The following TRAF2 variants were observed in gnomAD, a reference collection of about 807,000 sequenced individuals.
The protein encoded by TRAF2 is TNF receptor associated factor 2.
Under a neutral mutation model 55.6 loss-of-function variants are expected in TRAF2, and 6 were observed. The observed-to-expected ratio is 0.11, with a 90% confidence interval of 0.06 to 0.21. TRAF2 has a LOEUF of 0.21. Among genes scored for constraint, TRAF2 ranks in the 10% least tolerant of loss-of-function variants. The pLI, the probability that TRAF2 is intolerant of heterozygous loss-of-function variation, is 1.00. For synonymous variants in TRAF2, 329 were observed against 276.3 expected (o/e 1.19, Z -1.89); for missense variants, 561 against 684.5 (o/e 0.82, Z 2.01).
upstream of TRAF2, chr9:136,882,023 G>A (rs1316768423): frequency 9.1e-6 from 9 of 985,030 alleles, no homozygotes; most frequent in East Asian, 3.4e-4. Flanking sequence ...AGTGGACTGC[G>A]GCTATTTGAG....
rs142752969 is a variant in TRAF2, at chr9:136,891,551, G to A, written c.-29+5010G>A. The stretch of plus-strand genomic sequence containing the variant: ...GAGCCACCATGCCTGGCCCATTTTT[G>A]TGGTTCTTTTATGTCTGACAGGCAT... On this transcript the variant is annotated intron_variant, in intron 1 of 10. Transcript: ENST00000247668. 5.3e-5 allele frequency among the ~76,000 whole-genome samples: 8 copies of A among 151,504 alleles called. No homozygotes were observed. The East Asian group carries it at 1.6e-3, about 30-fold the overall frequency.
At chr9:136,902,277 G>A (rs1849839405) in intron 4 of TRAF2, 1 of 152,432 alleles carries the variant, frequency 6.6e-6, no homozygotes, top group Admixed American at 6.5e-5. Context: ...TGGCTCCCTG[G>A]GGAGGTGGCC....
At chr9:136,924,892 C>T (rs571385842) in intron 10 of TRAF2, among the ~76,000 whole-genome samples, 12 of 152,190 alleles carry the variant, frequency 7.9e-5, no homozygotes, top group African/African-American at 2.6e-4. Context: ...GCATGCACCA[C>T]CACGCCCAGC....
intron 9 of TRAF2, among the ~76,000 whole-genome samples, chr9:136,923,230 A>AG (rs1398964354): frequency 6.6e-6 from 1 of 152,158 alleles, no homozygotes. Context: ...GGCTCTGCCG[A>AG]GGTCCCAACC....
chr9:136,905,528 T>C (rs190942586), intron 4 of TRAF2, among the ~76,000 whole-genome samples: 1 of 152,276 alleles, frequency 6.6e-6, no homozygotes, highest in Non-Finnish European at 1.5e-5. Context: ...TGGTGATGGT[T>C]ACATAACATC....
Position 136,926,335 on chromosome 9 carries a change from G to A in TRAF2, c.*434G>A. 2.9e-6 allele frequency: 1 copy of A among 349,444 alleles called. No homozygotes were observed. Among genetic ancestry groups the A allele is most frequent in the Non-Finnish European group, 5.7e-6 (1 of 176,428 alleles). 21.6% of individuals were successfully genotyped at this position (349,444 alleles called of 1,614,324 possible). A position where few individuals can be genotyped will look rare whatever the true frequency, so the allele number is the denominator to read the frequency against. ...GAAACGAGGGCTGCTCCAGGAGAAG[G>A]GCCTCCTGCTGGCCAGAGCAAGGAA... is the stretch of plus-strand genomic sequence containing the variant. On this transcript the variant is annotated 3_prime_UTR_variant, in exon 11 of 11. Coordinates refer to ENST00000247668, the MANE Select transcript of TRAF2 (RefSeq NM_021138.4).
chr9:136,918,255 A>ATATATATATT (rs1402432355), intron 7 of TRAF2, among the ~76,000 whole-genome samples: 14 of 23,344 alleles, frequency 6.0e-4, no homozygotes, highest in African/African-American at 2.7e-3. Flanking sequence ...ATATATATAT[A>ATATATATATT]TATTTATTTA....
chr9:136,899,496 C>G, intron 2 of TRAF2, 98 bp from the exon 3 acceptor site: 10 of 1,076,186 alleles, frequency 9.3e-6, no homozygotes, highest in Non-Finnish European at 1.4e-5. Flanking sequence ...AAAGTTTAAA[C>G]TGTGGTGTGG....
chr9:136,924,763 G>A (rs1272657789), intron 10 of TRAF2, among the ~76,000 whole-genome samples: 5 of 151,932 alleles, frequency 3.3e-5, no homozygotes, highest in African/African-American at 7.3e-5. Context: ...TTGTTAAGAC[G>A]GAGTCTTGCT....
intron 4 of TRAF2, among the ~76,000 whole-genome samples, chr9:136,907,411 A>T (rs1476256564): frequency 2.0e-5 from 3 of 152,088 alleles, no homozygotes; most frequent in Non-Finnish European, 2.9e-5. Context: ...TGCCTGAGTG[A>T]CCTTCCTGTG....
intron 5 of TRAF2, among the ~76,000 whole-genome samples, chr9:136,908,885 A>AG (rs1160802433): frequency 2.7e-5 from 4 of 148,952 alleles, no homozygotes; most frequent in Non-Finnish European, 6.0e-5. Context: ...AAAAAAAAAA[A>AG]AAAAAAGCCA....
At chr9:136,923,120 A>G (rs1313043023) in intron 9 of TRAF2, among the ~76,000 whole-genome samples, 1 of 151,928 alleles carries the variant, frequency 6.6e-6, no homozygotes, top group East Asian at 1.9e-4. Context: ...GTGGGAAGGA[A>G]GTCGACTCTT....
chr9:136,890,383 T>TA (rs1185114767), intron 1 of TRAF2: 1 of 152,258 alleles, frequency 6.6e-6, no homozygotes, highest in Non-Finnish European at 1.5e-5. Flanking sequence ...TCACGTCTCT[T>TA]ATGATACGTA....
rs1850059191 is a variant in TRAF2 at position 136,909,864 on chromosome 9, C to T, written c.529-56C>T. ...CAGCCTGAGCACTGTGTGCCGCCCTCCACCCGCGCCTGGCATTGGCGTCCA... is the reference window on the plus strand; with the variant it reads ...CAGCCTGAGCACTGTGTGCCGCCCTTCACCCGCGCCTGGCATTGGCGTCCA... On this transcript the variant is annotated intron_variant, in intron 5 of 10. Transcript: ENST00000247668. 16 of 1,586,676 alleles carry T rather than the reference C, an allele frequency of 1.0e-5. No individual in the cohort carries two copies. In the South Asian group the frequency reaches 1.6e-4, roughly 16 times the overall value.
At chr9:136,902,875 T>C (rs539672469) in intron 4 of TRAF2, among the ~76,000 whole-genome samples, 1 of 152,312 alleles carries the variant, frequency 6.6e-6, no homozygotes, top group East Asian at 1.9e-4. Context: ...TCCTTGATGG[T>C]CGGAACTTTA....
intron 8 of TRAF2, 60 bp from the exon 9 acceptor site, chr9:136,920,978 G>C: frequency 6.3e-7 from 1 of 1,590,752 alleles, no homozygotes; most frequent in South Asian, 1.1e-5. Flanking sequence ...GGGTGTGGGA[G>C]GCAGGGGCTC....
intron 1 of TRAF2, among the ~76,000 whole-genome samples, chr9:136,888,928 C>T (rs1446859143): frequency 5.9e-5 from 9 of 151,814 alleles, no homozygotes; most frequent in African/African-American, 1.9e-4. Context: ...TGCAGTGGCA[C>T]GATCTCGGCT....
intron 1 of TRAF2, among the ~76,000 whole-genome samples, chr9:136,896,798 C>T (rs1269013237): frequency 1.3e-5 from 2 of 152,128 alleles, no homozygotes; most frequent in Admixed American, 6.5e-5. Flanking sequence ...TTAATAGAGA[C>T]GGGGTTTCAC....
At chr9:136,908,318 G>A (rs1022125933) in intron 5 of TRAF2, 87 bp downstream of exon 5, 21 of 1,404,548 alleles carry the variant, frequency 1.5e-5, no homozygotes, top group East Asian at 7.5e-5. Flanking sequence ...CGGCTGCGTC[G>A]GCCCCTTTGC....
Sources: allele counts gnomAD v4.1 joint callset (sites outside exome capture counted in the v4.1 genomes callset), GRCh38; gene constraint gnomAD v4.1.1; transcripts MANE v1.5; gene names NCBI Gene and HGNC (gene_info 2026-07-23, HGNC 2026-07-21).